The following TENM3 variants were observed in gnomAD, a reference collection of about 807,000 sequenced individuals.
TENM3 encodes the protein teneurin transmembrane protein 3, also known as teneurin-3.
In TENM3, 63 loss-of-function variants were observed where a neutral mutation model predicts 255.1. The observed-to-expected ratio is 0.25, with a 90% CI of 0.20 to 0.30. The LOEUF is 0.30. Ranked by LOEUF, TENM3 falls within the 10% of genes least tolerant of loss-of-function variation. The probability of loss-of-function intolerance (pLI) is 1.00; values close to 1 mark genes in which losing one functional copy is unlikely to be tolerated. For synonymous variants in TENM3, 1,306 were observed against 1,322.3 expected, an observed-to-expected ratio of 0.99 and a Z score of 0.27; for missense variants, 2,929 against 3,461.1, an observed-to-expected ratio of 0.85 and a Z score of 3.86.
At chr4:181,461,303 C>T in the TENM3 span, among the ~76,000 whole-genome samples, 1 of 151,866 alleles carries the variant, frequency 6.6e-6, no homozygotes, top group Admixed American at 6.6e-5. Flanking sequence ...TGCTTTTAAA[C>T]CTTTTCTCTT....
At chr4:182,515,697 A>G (rs896054173) in intron 3 of TENM3, among the ~76,000 whole-genome samples, 5 of 152,174 alleles carry the variant, frequency 3.3e-5, no homozygotes, top group African/African-American at 1.2e-4. Context: ...CTTCTGTAAT[A>G]CATATTTTTA....
the TENM3 span, among the ~76,000 whole-genome samples, chr4:181,733,737 C>G: frequency 6.6e-6 from 1 of 152,176 alleles, no homozygotes; most frequent in East Asian, 1.9e-4. Context: ...CTTCCTGTTT[C>G]AGGTACTTAG....
intron 24 of TENM3, among the ~76,000 whole-genome samples, chr4:182,783,001 CTT>C (rs1289321462): frequency 2.6e-5 from 4 of 151,014 alleles, no homozygotes. Flanking sequence ...GGTCTTGACT[CTT>C]TATCCAATTT....
chr4:181,915,578 G>T, the TENM3 span, among the ~76,000 whole-genome samples: 1 of 149,454 alleles, frequency 6.7e-6, no homozygotes, highest in African/African-American at 2.4e-5. Flanking sequence ...ATTTGGAAGA[G>T]ATTATGTTAA....
the TENM3 span, among the ~76,000 whole-genome samples, chr4:181,722,977 C>T: frequency 3.2e-3 from 489 of 152,158 alleles, 5 homozygotes; most frequent in Middle Eastern, 0.014. Context: ...AAGGAAGCTG[C>T]TCTATTTTTG....
At chr4:182,433,951 C>G (rs554419179) in intron 3 of TENM3, among the ~76,000 whole-genome samples, 1 of 152,086 alleles carries the variant, frequency 6.6e-6, no homozygotes, top group East Asian at 1.9e-4. Flanking sequence ...CCCACCTCTA[C>G]AAAACATTTT....
At chr4:181,962,560 G>A in the TENM3 span, among the ~76,000 whole-genome samples, 1 of 152,214 alleles carries the variant, frequency 6.6e-6, no homozygotes, top group African/African-American at 2.4e-5. Flanking sequence ...TTGTTTTGGT[G>A]CCAAACAATA....
the TENM3 span, among the ~76,000 whole-genome samples, chr4:181,666,718 G>A: frequency 2.0e-5 from 3 of 152,050 alleles, no homozygotes; most frequent in Non-Finnish European, 4.4e-5. Flanking sequence ...TCTGAAAGAA[G>A]TATTTGATCA....
chr4:182,575,917 C>T (rs1430269501), intron 3 of TENM3, among the ~76,000 whole-genome samples: 1 of 152,086 alleles, frequency 6.6e-6, no homozygotes, highest in African/African-American at 2.4e-5. Flanking sequence ...CTGCACATTT[C>T]CTCATTTTTA....
chr4:182,031,759 G>A, the TENM3 span, among the ~76,000 whole-genome samples: 1 of 152,050 alleles, frequency 6.6e-6, no homozygotes, highest in Non-Finnish European at 1.5e-5. Context: ...CCTTGAAGAG[G>A]TCCTTTACCT....
chr4:181,482,570 CTTAT>C, the TENM3 span, among the ~76,000 whole-genome samples: 12 of 152,062 alleles, frequency 7.9e-5, no homozygotes, highest in African/African-American at 2.9e-4. Context: ...TATTGATCTG[CTTAT>C]TTATTAATTT....
the TENM3 span, among the ~76,000 whole-genome samples, chr4:181,890,368 A>T: frequency 3.9e-5 from 6 of 152,148 alleles, no homozygotes; most frequent in Non-Finnish European, 1.5e-5. Context: ...GACACACTTA[A>T]TTTAAAGGAG....
chr4:182,059,702 A>C, the TENM3 span, among the ~76,000 whole-genome samples: 3 of 140,416 alleles, frequency 2.1e-5, no homozygotes, highest in African/African-American at 7.7e-5. Flanking sequence ...TGAGCTCAGG[A>C]GTTCAAGACC....
chr4:182,090,601 G>A, the TENM3 span, among the ~76,000 whole-genome samples: 1 of 152,126 alleles, frequency 6.6e-6, no homozygotes, highest in Non-Finnish European at 1.5e-5. Flanking sequence ...ACTCACTCCA[G>A]GCAGACAAGA....
chr4:182,527,997 A>AT (rs1478935106), intron 3 of TENM3, among the ~76,000 whole-genome samples: 1 of 152,212 alleles, frequency 6.6e-6, no homozygotes, highest in Non-Finnish European at 1.5e-5. Flanking sequence ...AAGTGCTGGG[A>AT]TTACAGGCAT....
chr4:181,504,381 A>G, the TENM3 span, among the ~76,000 whole-genome samples: 1 of 152,188 alleles, frequency 6.6e-6, no homozygotes, highest in Admixed American at 6.5e-5. Flanking sequence ...TCCCAAGAGC[A>G]GGCTCCTTCT....
the TENM3 span, among the ~76,000 whole-genome samples, chr4:181,849,950 C>CTCTCTCACACAA: frequency 5.1e-4 from 5 of 9,886 alleles, no homozygotes; most frequent in African/African-American, 7.3e-4. Context: ...CTCTCTCTCT[C>CTCTCTCACACAA]ACACACACAC....
At chr4:182,233,472 A>C (rs1025080599) in intron 1 of TENM3, among the ~76,000 whole-genome samples, 4 of 152,210 alleles carry the variant, frequency 2.6e-5, no homozygotes, top group Non-Finnish European at 5.9e-5. Flanking sequence ...CTGAAATGCA[A>C]CCTGTTCGTA....
intron 3 of TENM3, among the ~76,000 whole-genome samples, chr4:182,447,460 C>G (rs2045403): frequency 0.97 from 147,149 of 152,276 alleles, 71,292 homozygotes; most frequent in East Asian, 1. Flanking sequence ...CAAGGTAAAG[C>G]TAGTATGTTC....
Sources: allele counts gnomAD v4.1 joint callset (sites outside exome capture counted in the v4.1 genomes callset), GRCh38; gene constraint gnomAD v4.1.1; transcripts MANE v1.5; gene names NCBI Gene and HGNC (gene_info 2026-07-23, HGNC 2026-07-21).